TMEM117: variants seen among roughly 807,000 people sequenced by gnomAD.
The protein encoded by TMEM117 is transmembrane protein 117.
TMEM117 carries 27 observed loss-of-function variants against 52.4 expected under a neutral mutation model. The ratio of observed to expected loss-of-function variants is 0.51; its 90% CI spans 0.38 to 0.71. The LOEUF (loss-of-function observed/expected upper bound fraction) is 0.71, where lower values mean the gene tolerates loss of function less well. Among genes scored for constraint, TMEM117 ranks in the 30% least tolerant of loss-of-function variants. The pLI, the probability that TMEM117 is intolerant of heterozygous loss-of-function variation, is 0.00. For synonymous variants in TMEM117, 215 were observed against 206.3 expected, an observed-to-expected ratio of 1.04 and a Z score of -0.36; for missense variants, 556 against 630.5, an observed-to-expected ratio of 0.88 and a Z score of 1.26.
rs747744279 is a variant in TMEM117 at position 44,388,537 on chromosome 12, G to A, written c.1410G>A (p.Arg470=). The change falls in exon 8 of 8, where the codon AGG becomes AGA. Residue 470 remains arginine (R), a synonymous_variant. Transcript: ENST00000266534. ...ATGACCCTTCTTTGGTTTGCATCAGGTCTGACTTCAATGAGATCGTCTACA... is the reference window on the plus strand; with the variant it reads ...ATGACCCTTCTTTGGTTTGCATCAGATCTGACTTCAATGAGATCGTCTACA... ...PLNDPSLVCI[R]SDFNEIVYKS... is the part of the protein sequence containing the mutation. 4.3e-6 allele frequency: 7 copies of A among 1,613,452 alleles called. No individual in the cohort carries two copies. The Admixed American group carries it at 1.0e-4, about 23-fold the overall frequency.
At chr12:44,353,445 C>T (rs900337843) in intron 6 of TMEM117, among the ~76,000 whole-genome samples, 8 of 152,100 alleles carry the variant, frequency 5.3e-5, no homozygotes, top group African/African-American at 1.9e-4. Context: ...ACATGTAAGT[C>T]TTTAATCCAT....
In TMEM117 at chr12:44,303,058, TC is replaced by T. The variant is rs970354612; in HGVS notation, c.768+3320del. The stretch of plus-strand genomic sequence containing the variant: ...AGAAAGGTATTGTATTTTTTTTTTT[TC>T]TGATATGGAGTTTCACTCTTGTTGC... On this transcript the variant is annotated intron_variant, in intron 6 of 7. Transcript: ENST00000266534. Among the ~76,000 whole-genome samples the T allele has an allele frequency of 1.8e-4, 27 of 152,174 alleles. 1 individual carries two copies. The highest frequency in any genetic ancestry group is 1.4e-3 in the Admixed American group (22 of 15,288).
chr12:44,387,913 G>A (rs1592735553), intron 7 of TMEM117, 113 bp from the exon 8 acceptor site: 1 of 978,022 alleles, frequency 1.0e-6, no homozygotes, highest in South Asian at 1.7e-5. Context: ...TTGTTAACCA[G>A]TCTGAAACAT....
chr12:44,288,556 A>G (rs1950664038), intron 5 of TMEM117, among the ~76,000 whole-genome samples: 2 of 152,162 alleles, frequency 1.3e-5, no homozygotes, highest in South Asian at 4.1e-4. Context: ...AACATCCAAG[A>G]GGTGAATTGG....
intron 6 of TMEM117, among the ~76,000 whole-genome samples, chr12:44,324,420 C>T (rs1477143297): frequency 2.0e-5 from 3 of 151,968 alleles, no homozygotes; most frequent in Admixed American, 6.6e-5. Flanking sequence ...GCTGTATTAA[C>T]GGAAGTGTCC....
intron 4 of TMEM117, among the ~76,000 whole-genome samples, chr12:44,179,700 C>A (rs1444407467): frequency 6.6e-6 from 1 of 152,242 alleles, no homozygotes; most frequent in Non-Finnish European, 1.5e-5. Context: ...CTCGCAGACA[C>A]ACCCAGGAAC....
At chr12:44,302,510 TAA>T (rs904273434) in intron 6 of TMEM117, among the ~76,000 whole-genome samples, 1 of 152,250 alleles carries the variant, frequency 6.6e-6, no homozygotes, top group Non-Finnish European at 1.5e-5. Context: ...TTCTCTTCAT[TAA>T]AGTCATGTGA....
rs187612893 is a variant in TMEM117, at chr12:44,258,856, A to G, written c.609-40724A>G. 2.3e-3 allele frequency among the ~76,000 whole-genome samples: 353 copies of G among 152,286 alleles called. 12 individuals carry two copies. In the East Asian group the frequency reaches 0.035, roughly 15 times the overall value. ...TTCATTAATGTTCATTTTCTAATAC[A>G]GGAGCCATTAGCTACATATAGCTAC... On this transcript the variant is annotated intron_variant, in intron 5 of 7. Transcript: ENST00000266534.
the TMEM117 span, chr12:43,798,656 C>A: frequency 2.1e-6 from 3 of 1,417,672 alleles, no homozygotes; most frequent in South Asian, 2.7e-5. Flanking sequence ...AAGCCCTACT[C>A]AAATAATATG....
chr12:43,866,157 G>A (rs1943594255), intron 2 of TMEM117, among the ~76,000 whole-genome samples: 1 of 151,792 alleles, frequency 6.6e-6, no homozygotes, highest in Admixed American at 6.6e-5. Context: ...TTTGAAAGCA[G>A]TCAGAACTAA....
chr12:44,154,378 C>T (rs1002940104), intron 4 of TMEM117, among the ~76,000 whole-genome samples: 2 of 151,922 alleles, frequency 1.3e-5, no homozygotes, highest in Admixed American at 6.6e-5. Context: ...GACTACTGAC[C>T]AGAGGTTATA....
intron 3 of TMEM117, among the ~76,000 whole-genome samples, chr12:44,057,182 A>G (rs1212278381): frequency 2.0e-5 from 3 of 152,198 alleles, no homozygotes; most frequent in Non-Finnish European, 4.4e-5. Flanking sequence ...TTAGAAAAGG[A>G]AGCAGTGTAT....
chr12:43,996,877 C>T (rs142260813), intron 3 of TMEM117, among the ~76,000 whole-genome samples: 310 of 152,236 alleles, frequency 2.0e-3, no homozygotes, highest in Non-Finnish European at 3.7e-3. Flanking sequence ...TCCCTGGTAG[C>T]TGAAGCAGTG....
At chr12:43,810,880 T>C in the TMEM117 span, among the ~76,000 whole-genome samples, 50 of 152,308 alleles carry the variant, frequency 3.3e-4, no homozygotes, top group Non-Finnish European at 5.3e-4. Flanking sequence ...GTCAGTATGG[T>C]GACCTTTATT....
chr12:44,083,194 G>A (rs991331484), intron 3 of TMEM117, among the ~76,000 whole-genome samples: 5 of 152,046 alleles, frequency 3.3e-5, no homozygotes, highest in African/African-American at 1.2e-4. Context: ...ATAATGAAGA[G>A]CAGAGTTGCA....
chr12:44,046,141 G>A (rs974795655), intron 3 of TMEM117, among the ~76,000 whole-genome samples: 2 of 152,170 alleles, frequency 1.3e-5, no homozygotes, highest in African/African-American at 4.8e-5. Flanking sequence ...ACCACTCACT[G>A]TCACCCCAGT....
At chr12:43,917,315 C>T (rs1173176457) in intron 2 of TMEM117, among the ~76,000 whole-genome samples, 1 of 151,488 alleles carries the variant, frequency 6.6e-6, no homozygotes, top group African/African-American at 2.4e-5. Context: ...GCAGGAGGAT[C>T]GCTTGAGCTC....
chr12:44,230,708 A>G (rs995648586), intron 5 of TMEM117, among the ~76,000 whole-genome samples: 19 of 152,102 alleles, frequency 1.2e-4, no homozygotes, highest in Middle Eastern at 3.4e-3. Context: ...ATAACTTCCA[A>G]ACATTTTAAT....
At chr12:43,864,762 A>G (rs1388845332) in intron 2 of TMEM117, among the ~76,000 whole-genome samples, 2 of 152,124 alleles carry the variant, frequency 1.3e-5, no homozygotes, top group Non-Finnish European at 2.9e-5. Context: ...TGGGCCAGAT[A>G]AGAGAATAAA....
Sources: gnomAD v4.1 joint callset for allele counts (sites outside exome capture counted in the v4.1 genomes callset) on GRCh38, gnomAD v4.1.1 for gene constraint, MANE v1.5 for transcripts, NCBI Gene and HGNC (gene_info 2026-07-23, HGNC 2026-07-21) for gene names.